Variants in AGK observed in about 807,000 individuals in gnomAD.
The protein encoded by AGK is acylglycerol kinase.
A neutral mutation model predicts 66.4 loss-of-function variants in AGK; 52 were observed. The observed-to-expected ratio is 0.78, with a 90% CI of 0.63 to 0.99. The LOEUF is 0.99. AGK is among the 50% of genes least tolerant of loss of function. The pLI is 0.00. For synonymous variants in AGK, 182 were observed against 181.1 expected (o/e 1.00, Z -0.04); for missense variants, 451 against 506.6 (o/e 0.89, Z 1.05).
rs1352085810 is a variant in AGK, at chr7:141,596,580, A to G, written c.160A>G (p.Ile54Val). ...QEAQVFGNQL[I>V]PPNAQVKKAT... ...TTTTTAGGTGTTTGGCAATCAACTC[A>G]TTCCTCCCAATGCACAAGTGAAGAA... is the stretch of plus-strand genomic sequence containing the variant. Residue 54 changes from isoleucine to valine, a missense_variant, in exon 4 of 16, where the codon ATT becomes GTT. Ile to Val is a conservative substitution (Grantham distance 29). Transcript: ENST00000649286. The G allele has an allele frequency of 1.9e-6, 3 of 1,614,048 alleles. No homozygotes were observed. Among genetic ancestry groups the G allele is most frequent in the African/African-American group, 1.3e-5 (1 of 75,056 alleles).
chr7:141,560,430 C>A (rs1795315210), intron 2 of AGK, among the ~76,000 whole-genome samples: 1 of 151,306 alleles, frequency 6.6e-6, no homozygotes, highest in Non-Finnish European at 1.5e-5. Flanking sequence ...TTTTTTCCCC[C>A]ATCAGGTCAT....
At chr7:141,604,842 A>G (rs1410561722) in intron 5 of AGK, among the ~76,000 whole-genome samples, 2 of 151,994 alleles carry the variant, frequency 1.3e-5, no homozygotes, top group African/African-American at 2.4e-5. Flanking sequence ...TCGGCCTCCA[A>G]TTGTTCCATG....
At chr7:141,576,092 T>C (rs1194253461) in intron 2 of AGK, among the ~76,000 whole-genome samples, 2 of 152,192 alleles carry the variant, frequency 1.3e-5, no homozygotes, top group African/African-American at 2.4e-5. Context: ...TTAAATATGT[T>C]GATCGTTGCC....
At chr7:141,605,733 A>G (rs1387080218) in intron 5 of AGK, among the ~76,000 whole-genome samples, 1 of 152,176 alleles carries the variant, frequency 6.6e-6, no homozygotes, top group Non-Finnish European at 1.5e-5. Flanking sequence ...AGGAAATTGA[A>G]GATACAAACA....
chr7:141,634,445 G>A (rs930838300), intron 10 of AGK, among the ~76,000 whole-genome samples: 15 of 152,312 alleles, frequency 9.8e-5, no homozygotes, highest in African/African-American at 3.4e-4. Flanking sequence ...GCTGCTCTTA[G>A]AGGAGGAAGA....
chr7:141,583,064 C>T (rs369969689), intron 2 of AGK, among the ~76,000 whole-genome samples: 5 of 151,832 alleles, frequency 3.3e-5, no homozygotes, highest in African/African-American at 4.9e-5. Flanking sequence ...ACATCAGGCA[C>T]CTCAGACCAT....
intron 2 of AGK, among the ~76,000 whole-genome samples, chr7:141,591,954 C>G (rs1362292124): frequency 6.6e-6 from 1 of 152,070 alleles, no homozygotes; most frequent in African/African-American, 2.4e-5. Flanking sequence ...TTTTTGGAAG[C>G]CAAAATTTTG....
At chr7:141,579,910 A>G (rs1246867257) in intron 2 of AGK, among the ~76,000 whole-genome samples, 1 of 151,964 alleles carries the variant, frequency 6.6e-6, no homozygotes, top group Non-Finnish European at 1.5e-5. Flanking sequence ...AATGAGAAGG[A>G]GAAAAACTGG....
intron 2 of AGK, among the ~76,000 whole-genome samples, chr7:141,587,836 G>C (rs1796025556): frequency 6.6e-6 from 1 of 152,150 alleles, no homozygotes; most frequent in Admixed American, 6.5e-5. Context: ...AGGGAATGTT[G>C]GGCTTATTCA....
chr7:141,561,184 G>C (rs1459697938), intron 2 of AGK, among the ~76,000 whole-genome samples: 1 of 152,164 alleles, frequency 6.6e-6, no homozygotes, highest in East Asian at 1.9e-4. Flanking sequence ...TGGGCATTTA[G>C]GTTGGTTCCA....
At chr7:141,556,333 G>A (rs1414646752) in intron 2 of AGK, among the ~76,000 whole-genome samples, 1 of 152,000 alleles carries the variant, frequency 6.6e-6, no homozygotes, top group African/African-American at 2.4e-5. Flanking sequence ...GATCATTTGA[G>A]GTCAGGAGAC....
chr7:141,604,482 T>A (rs1796413259), intron 5 of AGK, among the ~76,000 whole-genome samples: 1 of 150,196 alleles, frequency 6.7e-6, no homozygotes, highest in South Asian at 2.1e-4. Context: ...CCTTTATCTC[T>A]AAATATCTAT....
At chr7:141,600,733 G>C (rs1360753835) in intron 4 of AGK, among the ~76,000 whole-genome samples, 1 of 152,200 alleles carries the variant, frequency 6.6e-6, no homozygotes, top group African/African-American at 2.4e-5. Context: ...AAGGTACTAG[G>C]GGAGCACAGA....
rs1205487957 is a variant in AGK at position 141,551,445 on chromosome 7, C to G, written c.-15+11C>G. On this transcript the variant is annotated intron_variant, in intron 1 of 15. Transcript: ENST00000649286. ...GCTGGACCAGCCGTGGTGAGTGCAG[C>G]GGCGCCCAGGCGGGGAGCGCAGTGC... The G allele has an allele frequency of 2.6e-5, 4 of 152,980 alleles. No homozygotes were observed. The highest frequency in any genetic ancestry group is 5.8e-5 in the Non-Finnish European group (4 of 68,666). 9.5% of individuals were successfully genotyped at this position (152,980 alleles called of 1,614,324 possible).
chr7:141,643,514 G>C (rs901908059), intron 13 of AGK, among the ~76,000 whole-genome samples: 3 of 152,024 alleles, frequency 2.0e-5, no homozygotes, highest in East Asian at 3.9e-4. Flanking sequence ...ATGACATATT[G>C]GGAAAAATAT....
chr7:141,578,966 C>G (rs1053282230), intron 2 of AGK, among the ~76,000 whole-genome samples: 1 of 151,486 alleles, frequency 6.6e-6, no homozygotes, highest in African/African-American at 2.4e-5. Flanking sequence ...CTTGGAGAAA[C>G]AGTGTAAACC....
chr7:141,586,899 A>G (rs879163521), intron 2 of AGK, among the ~76,000 whole-genome samples: 10 of 152,270 alleles, frequency 6.6e-5, no homozygotes, highest in South Asian at 2.1e-4. Context: ...TCTTCCTCCT[A>G]CTTTTCACCC....
At chr7:141,593,099 A>G (rs748687340) in intron 2 of AGK, 47 bp from the exon 3 acceptor site, 9 of 1,551,284 alleles carry the variant, frequency 5.8e-6, no homozygotes, top group African/African-American at 1.4e-5. Flanking sequence ...TGTTTGGATC[A>G]TAATCTATTA....
intron 13 of AGK, among the ~76,000 whole-genome samples, chr7:141,648,123 C>T (rs983062264): frequency 6.6e-6 from 1 of 152,192 alleles, no homozygotes; most frequent in Non-Finnish European, 1.5e-5. Context: ...CAAGGCTTCT[C>T]CACGGGACCC....
Sources: gnomAD v4.1 joint callset for allele counts (sites outside exome capture counted in the v4.1 genomes callset) on GRCh38, gnomAD v4.1.1 for gene constraint, MANE v1.5 for transcripts, NCBI Gene and HGNC (gene_info 2026-07-23, HGNC 2026-07-21) for gene names.